LRRC7: variants seen among roughly 807,000 people sequenced by gnomAD.
LRRC7 encodes the protein leucine-rich repeat-containing protein 7.
Under a neutral mutation model 175.7 loss-of-function variants are expected in LRRC7, and 23 were observed. The ratio of observed to expected loss-of-function variants is 0.13; its 90% CI spans 0.09 to 0.19. LRRC7 has a LOEUF of 0.19. Among genes scored for constraint, LRRC7 ranks in the 10% least tolerant of loss-of-function variants. The pLI, the probability that LRRC7 is intolerant of heterozygous loss-of-function variation, is 1.00. For missense variants in LRRC7, 1,354 were observed against 1,904.7 expected (o/e 0.71, Z 5.38); for synonymous variants, 685 against 680.9 (o/e 1.01, Z -0.09).
chr1:69,912,666 C>G (rs1189329377), intron 7 of LRRC7, among the ~76,000 whole-genome samples: 1 of 152,136 alleles, frequency 6.6e-6, no homozygotes, highest in Non-Finnish European at 1.5e-5. Context: ...TGAGTTAGGA[C>G]TGCACAATAA....
chr1:70,111,078 C>T (rs905349447), intron 26 of LRRC7, among the ~76,000 whole-genome samples: 3 of 152,008 alleles, frequency 2.0e-5, no homozygotes, highest in African/African-American at 7.2e-5. Flanking sequence ...AAAGAATGGC[C>T]CTCCCTAAGT....
chr1:69,701,912 T>C (rs1663403705), intron 2 of LRRC7, among the ~76,000 whole-genome samples: 1 of 152,224 alleles, frequency 6.6e-6, no homozygotes, highest in Admixed American at 6.5e-5. Context: ...AAAGATTCCA[T>C]TTTACGTATT....
intron 7 of LRRC7, among the ~76,000 whole-genome samples, chr1:69,913,968 G>C (rs563013730): frequency 5.3e-5 from 8 of 152,140 alleles, no homozygotes; most frequent in Non-Finnish European, 7.3e-5. Flanking sequence ...TGATAAAATT[G>C]ACAGGTCTAA....
chr1:69,637,127 T>G (rs774202585), intron 1 of LRRC7, among the ~76,000 whole-genome samples: 31 of 148,496 alleles, frequency 2.1e-4, no homozygotes, highest in Admixed American at 6.1e-4. Context: ...GCACACAGAG[T>G]TTATATAAGG....
At chr1:70,079,999 A>C (rs1663090789) in intron 24 of LRRC7, among the ~76,000 whole-genome samples, 1 of 152,236 alleles carries the variant, frequency 6.6e-6, no homozygotes, top group Non-Finnish European at 1.5e-5. Context: ...ATTTTAAGTC[A>C]GGTTTTTTTC....
chr1:69,658,481 G>A (rs1205718571), intron 1 of LRRC7, among the ~76,000 whole-genome samples: 1 of 151,874 alleles, frequency 6.6e-6, no homozygotes, highest in Admixed American at 6.6e-5. Context: ...CTAAATCAAG[G>A]AGAACCTCCT....
At chr1:69,864,130 C>T (rs1403718592) in intron 7 of LRRC7, among the ~76,000 whole-genome samples, 2 of 152,162 alleles carry the variant, frequency 1.3e-5, no homozygotes, top group Non-Finnish European at 2.9e-5. Context: ...CAGACTGGCT[C>T]TGCCATCCCT....
intron 5 of LRRC7, among the ~76,000 whole-genome samples, chr1:69,832,007 A>G (rs1422282762): frequency 6.6e-6 from 1 of 152,238 alleles, no homozygotes; most frequent in Non-Finnish European, 1.5e-5. Flanking sequence ...CTAAGAATGT[A>G]TAAAGAATTG....
chr1:69,620,323 AT>A (rs1650367391), intron 1 of LRRC7, among the ~76,000 whole-genome samples: 1 of 152,076 alleles, frequency 6.6e-6, no homozygotes, highest in Non-Finnish European at 1.5e-5. Context: ...TATAATCCAC[AT>A]TTTTTAAAAC....
rs1403777557 is a variant in LRRC7 at position 69,731,225 on chromosome 1, C to T, written c.101-28966C>T. Among the ~76,000 whole-genome samples the T allele has an allele frequency of 1.1e-4, 17 of 152,146 alleles. 1 individual carries two copies. The highest frequency in any genetic ancestry group is 1.9e-4 in the East Asian group (1 of 5,156). Reference sequence around the variant, plus strand: ...GCTGAGGCTAGAGAATGGTGTGAACCTGGGAGGCTGAGCTTGCAGTGAGCC... The same window carrying T: ...GCTGAGGCTAGAGAATGGTGTGAACTTGGGAGGCTGAGCTTGCAGTGAGCC... On this transcript the variant is annotated intron_variant, in intron 2 of 26. Coordinates refer to ENST00000651989, the MANE Select transcript of LRRC7 (RefSeq NM_001370785.2).
intron 8 of LRRC7, among the ~76,000 whole-genome samples, chr1:69,940,755 A>AC (rs1648627137): frequency 6.6e-6 from 1 of 152,074 alleles, no homozygotes. Flanking sequence ...GTTGTAAATC[A>AC]CCCCAAAAAA....
intron 1 of LRRC7, among the ~76,000 whole-genome samples, chr1:69,652,699 A>C (rs1214559571): frequency 1.3e-5 from 2 of 149,524 alleles, no homozygotes; most frequent in South Asian, 2.1e-4. Context: ...AACAGTCTTC[A>C]AAAAAAAAAT....
intron 25 of LRRC7, among the ~76,000 whole-genome samples, chr1:70,097,793 A>T (rs1333177319): frequency 6.6e-6 from 1 of 151,182 alleles, no homozygotes; most frequent in South Asian, 2.1e-4. Context: ...ACATGAACTC[A>T]TCATTTTTTA....
chr1:69,672,124 C>T (rs963352864), intron 1 of LRRC7, among the ~76,000 whole-genome samples: 1 of 152,154 alleles, frequency 6.6e-6, no homozygotes, highest in Admixed American at 6.5e-5. Flanking sequence ...TTGTCATTTA[C>T]ATTAGATGAA....
In LRRC7 at chr1:69,781,499, T is replaced by C. The variant is rs956205265; in HGVS notation, c.304-10544T>C. 2.6e-5 allele frequency among the ~76,000 whole-genome samples: 4 copies of C among 151,484 alleles called. 1 individual carries two copies. Among genetic ancestry groups the C allele is most frequent in the Admixed American group, 2.6e-4 (4 of 15,154 alleles). On this transcript the variant is annotated intron_variant, in intron 3 of 26. Transcript: ENST00000651989. ...GAGGTCGAGACTAGGCTGACCATCA[T>C]GGTGAAGTCCCGTCTGTACCAAAAA...
chr1:69,814,191 C>T (rs575599514), intron 4 of LRRC7, among the ~76,000 whole-genome samples: 17 of 152,002 alleles, frequency 1.1e-4, no homozygotes, highest in Admixed American at 7.2e-4. Context: ...AAAAAGATAT[C>T]GTGTTTTGAA....
At chr1:69,952,268 G>T (rs889134219) in intron 8 of LRRC7, among the ~76,000 whole-genome samples, 1 of 151,764 alleles carries the variant, frequency 6.6e-6, no homozygotes, top group Admixed American at 6.6e-5. Flanking sequence ...GTATATTCTA[G>T]AACTTATAGA....
At chr1:69,929,972 G>T (rs1259136402) in intron 7 of LRRC7, among the ~76,000 whole-genome samples, 3 of 151,946 alleles carry the variant, frequency 2.0e-5, no homozygotes, top group Non-Finnish European at 4.4e-5. Flanking sequence ...CTCCATATTA[G>T]CATGCTTTTT....
chr1:70,028,022 A>G, intron 17 of LRRC7, 149 bp from the exon 18 acceptor site: 2 of 675,092 alleles, frequency 3.0e-6, no homozygotes, highest in Non-Finnish European at 5.1e-6. Flanking sequence ...TGAGAACACT[A>G]TGCGTCCTAC....
Sources: gnomAD v4.1 joint callset for allele counts (sites outside exome capture counted in the v4.1 genomes callset) on GRCh38, gnomAD v4.1.1 for gene constraint, MANE v1.5 for transcripts, NCBI Gene and HGNC (gene_info 2026-07-23, HGNC 2026-07-21) for gene names.